The following CSAD variants were observed in gnomAD, a reference collection of about 807,000 sequenced individuals.
CSAD encodes cysteine sulfinic acid decarboxylase.
A neutral mutation model predicts 61.5 loss-of-function variants in CSAD; 47 were observed. The ratio of observed to expected loss-of-function variants is 0.76; its 90% CI spans 0.60 to 0.97. The LOEUF (loss-of-function observed/expected upper bound fraction) is 0.97. Ranked by LOEUF, CSAD falls within the 50% of genes least tolerant of loss-of-function variation. The probability of loss-of-function intolerance (pLI) is 0.00; values close to 1 mark genes in which losing one functional copy is unlikely to be tolerated. For synonymous variants in CSAD, 245 were observed against 252.7 expected, an observed-to-expected ratio of 0.97 and a Z score of 0.29; for missense variants, 611 against 643.6, an observed-to-expected ratio of 0.95 and a Z score of 0.55.
chr12:53,171,832 G>A, intron 7 of CSAD, 50 bp downstream of exon 7: 2 of 1,179,488 alleles, frequency 1.7e-6, no homozygotes, highest in Non-Finnish European at 2.5e-6. Flanking sequence ...CGGTGGGGGA[G>A]GAGGAACTCA....
intron 2 of CSAD, chr12:53,177,850 A>G: frequency 6.5e-6 from 1 of 152,870 alleles, no homozygotes; most frequent in Non-Finnish European, 1.5e-5. Flanking sequence ...ATGTTGGCCC[A>G]GCTGGTCTCA....
intron 10 of CSAD, chr12:53,166,431 G>C (rs1939949666): frequency 6.4e-6 from 1 of 156,664 alleles, no homozygotes; most frequent in South Asian, 2.0e-4. Context: ...AAAGTAGAAT[G>C]GTGGCTGCCA....
At chr12:53,169,971 T>C (rs1940365057) in intron 10 of CSAD, 101 bp downstream of exon 10, 2 of 1,010,332 alleles carry the variant, frequency 2.0e-6, no homozygotes, top group African/African-American at 1.6e-5. Flanking sequence ...GAGATGGGCA[T>C]GGAGACGAGA....
chr12:53,159,522 A>C, intron 16 of CSAD, 101 bp downstream of exon 16: 1 of 940,390 alleles, frequency 1.1e-6, no homozygotes, highest in East Asian at 2.6e-5. Flanking sequence ...GCAAGAGACC[A>C]GCAAGGAGAC....
chr12:53,164,776 A>T (rs1196164347), intron 10 of CSAD: 1 of 152,274 alleles, frequency 6.6e-6, no homozygotes, highest in Non-Finnish European at 1.5e-5. Flanking sequence ...GAAAGAACAT[A>T]TCTGAAAATC....
intron 10 of CSAD, among the ~76,000 whole-genome samples, chr12:53,162,926 T>G (rs1037670741): frequency 1.3e-5 from 2 of 151,908 alleles, no homozygotes; most frequent in Admixed American, 6.6e-5. Context: ...CCAGGCATGG[T>G]GGCACATGCC....
intron 8 of CSAD, 162 bp downstream of exon 8, chr12:53,171,164 G>T: frequency 9.9e-7 from 1 of 1,012,890 alleles, no homozygotes; most frequent in Non-Finnish European, 1.5e-6. Context: ...GTGAACAGGA[G>T]CAGTTACTTG....
intron 4 of CSAD, 90 bp downstream of exon 4, chr12:53,173,254 AG>A (rs67334572): frequency 0.084 from 87,237 of 1,043,828 alleles, 4,517 homozygotes; most frequent in African/African-American, 0.23. Flanking sequence ...GAAGGAAGGA[AG>A]GGGGGGGGAG....
At chr12:53,168,433 A>T (rs1199215146) in intron 10 of CSAD, among the ~76,000 whole-genome samples, 1 of 152,190 alleles carries the variant, frequency 6.6e-6, no homozygotes, top group Non-Finnish European at 1.5e-5. Flanking sequence ...CTATAATAAA[A>T]AGAGAAACAT....
In CSAD at chr12:53,164,155, G is replaced by A. The variant is rs534594960; in HGVS notation, c.703-2766C>T. ...CAGGGCTAAAACTATAAAACTCTTA[G>A]AAGAAAATATAGGAGTAAATCTTTG... is the stretch of plus-strand genomic sequence containing the variant. On this transcript the variant is annotated intron_variant, in intron 10 of 16. Transcript: ENST00000444623. Among the ~76,000 whole-genome samples the A allele has an allele frequency of 2.0e-5, 3 of 152,238 alleles. No homozygotes were observed. The East Asian group carries it at 5.8e-4, about 29-fold the overall frequency.
chr12:53,167,168 T>C (rs1940035904), intron 10 of CSAD, among the ~76,000 whole-genome samples: 1 of 151,970 alleles, frequency 6.6e-6, no homozygotes, highest in South Asian at 2.1e-4. Context: ...AGAGTGGGGG[T>C]AGATGGCAGC....
intron 10 of CSAD, among the ~76,000 whole-genome samples, chr12:53,162,209 G>A (rs1254232644): frequency 6.6e-6 from 1 of 151,700 alleles, no homozygotes; most frequent in Non-Finnish European, 1.5e-5. Context: ...GGAGGCAGAG[G>A]TTGCACTGAG....
At chr12:53,162,846 G>A (rs1939447541) in intron 10 of CSAD, among the ~76,000 whole-genome samples, 3 of 152,180 alleles carry the variant, frequency 2.0e-5, no homozygotes, top group Admixed American at 6.5e-5. Context: ...CGGATCACCT[G>A]AGGTCCAGAG....
rs1306871735 is a variant in CSAD, at chr12:53,172,388, G to C, written c.302C>G (p.Ala101Gly). The change falls in exon 6 of 17, where the codon GCT becomes GGT. Residue 101 changes from alanine (A) to glycine (G), a missense_variant. Coordinates refer to ENST00000444623, the MANE Select transcript of CSAD (RefSeq NM_001244705.2). Reference protein sequence around the residue: ...NQLFSGLDPHALAGRIITESL... With the variant: ...NQLFSGLDPHGLAGRIITESL... ...CTCAGTGATAATGCGCCCGGCCAGA[G>C]CATGGGGATCCAACCCAGAGAAGAG... The C allele has an allele frequency of 6.2e-7, 1 of 1,614,142 alleles. No individual in the cohort carries two copies. The highest frequency in any genetic ancestry group is 1.1e-5 in the South Asian group (1 of 91,088).
intron 9 of CSAD, 145 bp from the exon 10 acceptor site, chr12:53,170,271 G>T: frequency 1.0e-6 from 1 of 975,050 alleles, no homozygotes; most frequent in Non-Finnish European, 1.6e-6. Context: ...GGAGACGCTG[G>T]CAGGCTCTGG....
chr12:53,168,534 T>C (rs927253508), intron 10 of CSAD, among the ~76,000 whole-genome samples: 8 of 152,200 alleles, frequency 5.3e-5, no homozygotes, highest in African/African-American at 1.9e-4. Flanking sequence ...AATGGGCTCA[T>C]AGGGCTCATA....
Position 53,180,911 on chromosome 12 carries a change from G to T in CSAD, c.-270C>A, listed in dbSNP as rs910813792. 2.0e-4 allele frequency: 226 copies of T among 1,125,690 alleles called. No homozygotes were observed. Among genetic ancestry groups the T allele is most frequent in the Non-Finnish European group, 2.4e-4 (219 of 902,574 alleles). 69.7% of individuals were successfully genotyped at this position (1,125,690 alleles called of 1,614,324 possible). A position where few individuals can be genotyped will look rare whatever the true frequency, so the allele number is the denominator to read the frequency against. Reference sequence around the variant, plus strand: ...GCTTCAGTAGCTCGCAAGCCGTGGGGTGCCGCGCGGGAAGGGGGAGGGGAG... The same window carrying T: ...GCTTCAGTAGCTCGCAAGCCGTGGGTTGCCGCGCGGGAAGGGGGAGGGGAG... On this transcript the variant is annotated 5_prime_UTR_variant, in exon 1 of 17. Coordinates refer to ENST00000444623, the MANE Select transcript of CSAD (RefSeq NM_001244705.2).
intron 5 of CSAD, 43 bp from the exon 6 acceptor site, chr12:53,172,479 G>C (rs1271709806): frequency 6.2e-7 from 1 of 1,614,122 alleles, no homozygotes; most frequent in Admixed American, 1.7e-5. Flanking sequence ...GTAGAGCTCA[G>C]GGCAAACTCC....
chr12:53,162,643 C>T (rs1939419787), intron 10 of CSAD, among the ~76,000 whole-genome samples: 1 of 152,076 alleles, frequency 6.6e-6, no homozygotes, highest in African/African-American at 2.4e-5. Context: ...ACTACTACAG[C>T]TGGATGTGGT....
Sources: gnomAD v4.1 joint callset for allele counts (sites outside exome capture counted in the v4.1 genomes callset) on GRCh38, gnomAD v4.1.1 for gene constraint, MANE v1.5 for transcripts, NCBI Gene and HGNC (gene_info 2026-07-23, HGNC 2026-07-21) for gene names.